The following PCNT variants were observed in gnomAD, a reference collection of about 807,000 sequenced individuals.
The protein encoded by PCNT is kendrin.
PCNT carries 319 observed loss-of-function variants against 380.4 expected under a neutral mutation model. The ratio of observed to expected loss-of-function variants is 0.84; its 90% CI spans 0.77 to 0.92. The LOEUF (loss-of-function observed/expected upper bound fraction) is 0.92. Ranked by LOEUF, PCNT falls within the 40% of genes least tolerant of loss-of-function variation. The probability of loss-of-function intolerance (pLI) is 0.00; values close to 1 mark genes in which losing one functional copy is unlikely to be tolerated. For missense variants in PCNT, 4,400 were observed against 4,255.3 expected, an observed-to-expected ratio of 1.03 and a Z score of -0.95; for synonymous variants, 1,845 against 1,735.2, an observed-to-expected ratio of 1.06 and a Z score of -1.57.
intron 27 of PCNT, among the ~76,000 whole-genome samples, chr21:46,404,413 T>C (rs2086562474): frequency 7.2e-6 from 1 of 138,682 alleles, no homozygotes; most frequent in Non-Finnish European, 1.7e-5. Flanking sequence ...CCGGCATTTC[T>C]GCCCAACAAA....
chr21:46,417,868 A>T (rs1245700413), intron 30 of PCNT, among the ~76,000 whole-genome samples: 1 of 152,226 alleles, frequency 6.6e-6, no homozygotes, highest in Non-Finnish European at 1.5e-5. Context: ...GAACCACTGC[A>T]CTCCAGCCTG....
At chr21:46,393,674 G>A (rs2086113271) in intron 21 of PCNT, among the ~76,000 whole-genome samples, 2 of 152,196 alleles carry the variant, frequency 1.3e-5, no homozygotes, top group Admixed American at 1.3e-4. Context: ...GGTGAGGCCG[G>A]GGCCCTGTGG....
At chr21:46,355,191 C>T (rs934272243) in intron 11 of PCNT, among the ~76,000 whole-genome samples, 1 of 152,208 alleles carries the variant, frequency 6.6e-6, no homozygotes, top group Admixed American at 6.5e-5. Flanking sequence ...GGCCCTGCCG[C>T]CCTGAGGAGC....
intron 44 of PCNT, among the ~76,000 whole-genome samples, chr21:46,443,584 G>A (rs780603578): frequency 3.3e-5 from 5 of 151,760 alleles, no homozygotes; most frequent in African/African-American, 4.8e-5. Flanking sequence ...CCCCTGCCCC[G>A]CACTCCCCCG....
At position 46,443,929 on chromosome 21, in the gene PCNT, T is replaced by A. The variant is rs144044246; in HGVS notation, c.9820T>A (p.Ser3274Thr). Residue 3274 changes from serine (S) to threonine (T), a missense_variant, in exon 45 of 47, where the codon TCC becomes ACC. By Grantham distance (58) the Ser-to-Thr change is moderately conservative. Coordinates refer to ENST00000359568, the MANE Select transcript of PCNT (RefSeq NM_006031.6). ...ARGRRLAAAA[S>T]PHSGGRATPS... Reference sequence around the variant, plus strand: ...AGGCCGCAGACTGGCAGCAGCAGCCTCCCCACACAGTGGGGGAAGGTCAGT... The same window carrying A: ...AGGCCGCAGACTGGCAGCAGCAGCCACCCCACACAGTGGGGGAAGGTCAGT... The A allele has an allele frequency of 8.7e-6, 14 of 1,612,038 alleles. No homozygotes were observed. The African/African-American group carries it at 1.7e-4, about 20-fold the overall frequency.
chr21:46,359,992 G>C (rs1199712589), intron 13 of PCNT, among the ~76,000 whole-genome samples: 1 of 151,246 alleles, frequency 6.6e-6, no homozygotes, highest in East Asian at 2.0e-4. Context: ...AAGTAACTGG[G>C]AGTACAGGTG....
chr21:46,437,140 G>T (rs150173624), intron 40 of PCNT, 59 bp downstream of exon 40: 36 of 1,132,142 alleles, frequency 3.2e-5, no homozygotes, highest in Non-Finnish European at 4.5e-5. Context: ...GGGCCCTCTC[G>T]GCAGCTTTGT....
chr21:46,325,117 G>C (rs2083330798), intron 1 of PCNT: 1 of 985,386 alleles, frequency 1.0e-6, no homozygotes, highest in Non-Finnish European at 1.2e-6. Context: ...GGTTTCGTGG[G>C]AATAAAGCGC....
chr21:46,429,721 T>G (rs1381856962), intron 35 of PCNT, among the ~76,000 whole-genome samples: 2 of 152,076 alleles, frequency 1.3e-5, no homozygotes, highest in East Asian at 1.9e-4. Flanking sequence ...GGAGGCAGTT[T>G]AGGGTGTGAG....
At chr21:46,444,571 C>G in intron 45 of PCNT, 123 bp from the exon 46 acceptor site, 1 of 1,004,094 alleles carries the variant, frequency 1.0e-6, no homozygotes, top group East Asian at 2.5e-5. Context: ...GTCACCCATC[C>G]CCACGGGTCT....
chr21:46,328,836 C>T (rs922422790), intron 2 of PCNT, among the ~76,000 whole-genome samples: 8 of 151,624 alleles, frequency 5.3e-5, no homozygotes, highest in Admixed American at 1.3e-4. Flanking sequence ...TGCAGCGGCA[C>T]GCCCTCTGCT....
chr21:46,347,306 T>C, intron 5 of PCNT, 151 bp from the exon 6 acceptor site: 1 of 815,182 alleles, frequency 1.2e-6, no homozygotes. Context: ...AGTTTGTTAT[T>C]AAAGCCAAGC....
chr21:46,392,524 T>G (rs1180307693), intron 21 of PCNT, among the ~76,000 whole-genome samples: 1 of 152,180 alleles, frequency 6.6e-6, no homozygotes, highest in Non-Finnish European at 1.5e-5. Flanking sequence ...CCCGGCCAGC[T>G]CCTATGGTTT....
At chr21:46,366,474 G>T (rs1569206329) in intron 14 of PCNT, 110 bp from the exon 15 acceptor site, 16 of 891,260 alleles carry the variant, frequency 1.8e-5, no homozygotes, top group Non-Finnish European at 2.1e-5. Flanking sequence ...CCGAAACGAT[G>T]ACCTGAACAG....
At chr21:46,429,733 G>C (rs540528416) in intron 35 of PCNT, among the ~76,000 whole-genome samples, 17 of 152,234 alleles carry the variant, frequency 1.1e-4, no homozygotes, top group Middle Eastern at 3.4e-3. Context: ...GGGTGTGAGT[G>C]GGGGTGAGGT....
chr21:46,354,391 CTT>C (rs1243667911), intron 11 of PCNT, among the ~76,000 whole-genome samples: 4 of 152,216 alleles, frequency 2.6e-5, no homozygotes, highest in Admixed American at 6.5e-5. Flanking sequence ...GAAATTGTGT[CTT>C]TGCTTTGAGT....
In PCNT at chr21:46,345,869, C is replaced by T. The variant is rs548194123; in HGVS notation, c.640-259C>T. Among the ~76,000 whole-genome samples the T allele has an allele frequency of 7.2e-5, 11 of 152,354 alleles. No individual in the cohort carries two copies. In the East Asian group the frequency reaches 1.7e-3, roughly 24 times the overall value. ...GTGTCTGCTCTGTCACTCAGCCTCA[C>T]GTCTTCAGGGCTCCTCTGTGTTGCA... On this transcript the variant is annotated intron_variant, in intron 3 of 46. Coordinates refer to ENST00000359568, the MANE Select transcript of PCNT (RefSeq NM_006031.6).
At chr21:46,324,357 C>T in intron 1 of PCNT, 75 bp downstream of exon 1, 6 of 1,256,458 alleles carry the variant, frequency 4.8e-6, no homozygotes, top group Non-Finnish European at 6.9e-6. Context: ...CGCCACCGCC[C>T]CCTGCCAGGA....
chr21:46,421,450 C>CTATGCAT (rs2087246129), intron 31 of PCNT, among the ~76,000 whole-genome samples: 1 of 151,952 alleles, frequency 6.6e-6, no homozygotes, highest in African/African-American at 2.4e-5. Flanking sequence ...GACCAGGGCC[C>CTATGCAT]TGGGAGGTTT....
Sources: allele counts gnomAD v4.1 joint callset (sites outside exome capture counted in the v4.1 genomes callset), GRCh38; gene constraint gnomAD v4.1.1; transcripts MANE v1.5; gene names NCBI Gene and HGNC (gene_info 2026-07-23, HGNC 2026-07-21).